Variants in ANK3 observed in about 807,000 individuals in gnomAD.
ANK3 encodes the protein ankyrin 3.
In ANK3, 57 loss-of-function variants were observed where a neutral mutation model predicts 370.9. The ratio of observed to expected loss-of-function variants is 0.15; its 90% CI spans 0.12 to 0.19. The LOEUF is 0.19. Ranked by LOEUF, ANK3 falls within the 10% of genes least tolerant of loss-of-function variation. The pLI is 1.00. For synonymous variants in ANK3, 1,929 were observed against 1,946.3 expected, an observed-to-expected ratio of 0.99 and a Z score of 0.23; for missense variants, 4,439 against 5,302.1, an observed-to-expected ratio of 0.84 and a Z score of 5.06.
intron 26 of ANK3, among the ~76,000 whole-genome samples, chr10:60,111,575 A>G (rs1370011720): frequency 1.3e-5 from 2 of 152,208 alleles, no homozygotes; most frequent in East Asian, 3.8e-4. Flanking sequence ...AAATTCTACA[A>G]ATGATCCTAA....
At chr10:60,196,269 C>A (rs1163734004) in intron 15 of ANK3, 26 bp from the exon 16 acceptor site, 1 of 1,599,298 alleles carries the variant, frequency 6.3e-7, no homozygotes, top group South Asian at 1.1e-5. Flanking sequence ...GAAACAACAA[C>A]CAGTGTCAAA....
chr10:60,421,656 A>G (rs1009677097), intron 2 of ANK3, among the ~76,000 whole-genome samples: 1 of 152,114 alleles, frequency 6.6e-6, no homozygotes, highest in East Asian at 1.9e-4. Context: ...TCCTCACCCT[A>G]AAAAGCAGGC....
intron 2 of ANK3, among the ~76,000 whole-genome samples, chr10:60,521,873 TAA>T (rs2076355413): frequency 6.6e-6 from 1 of 152,060 alleles, no homozygotes; most frequent in Admixed American, 6.6e-5. Context: ...CTGTAGCAGA[TAA>T]TGAAAGCTAC....
At chr10:60,230,553 G>C (rs541797368) in intron 8 of ANK3, among the ~76,000 whole-genome samples, 2 of 152,138 alleles carry the variant, frequency 1.3e-5, no homozygotes, top group Non-Finnish European at 2.9e-5. Context: ...TATGGAGCTG[G>C]GAAAATGGGA....
chr10:60,241,420 G>T (rs1232197135), intron 7 of ANK3, among the ~76,000 whole-genome samples: 1 of 151,994 alleles, frequency 6.6e-6, no homozygotes, highest in Non-Finnish European at 1.5e-5. Flanking sequence ...AAATGTTATA[G>T]AATACATTAG....
intron 1 of ANK3, among the ~76,000 whole-genome samples, chr10:60,327,175 C>T (rs551215769): frequency 2.6e-5 from 4 of 152,068 alleles, no homozygotes; most frequent in African/African-American, 9.7e-5. Flanking sequence ...CAATGGAGGG[C>T]GAGGTGACAG....
intron 25 of ANK3, among the ~76,000 whole-genome samples, chr10:60,133,055 C>T (rs911107298): frequency 1.2e-4 from 18 of 152,168 alleles, no homozygotes; most frequent in Non-Finnish European, 8.8e-5. Context: ...CTATGAAGTA[C>T]AACACACATA....
At chr10:60,085,610 C>CTTTTTTT (rs10601268) in intron 30 of ANK3, among the ~76,000 whole-genome samples, 4 of 109,936 alleles carry the variant, frequency 3.6e-5, no homozygotes, top group African/African-American at 7.2e-5. Flanking sequence ...GTCTCTTACT[C>CTTTTTTT]TTTTTTTTTT....
chr10:60,241,888 TGA>T (rs2132565217), intron 7 of ANK3, among the ~76,000 whole-genome samples: 1 of 152,284 alleles, frequency 6.6e-6, no homozygotes, highest in South Asian at 2.1e-4. Flanking sequence ...AAAGCATTAA[TGA>T]GACCTGGATA....
chr10:60,495,636 T>C (rs1459925017), intron 2 of ANK3, among the ~76,000 whole-genome samples: 1 of 152,194 alleles, frequency 6.6e-6, no homozygotes, highest in Non-Finnish European at 1.5e-5. Context: ...ACAGCCTTTA[T>C]GAAGCAGTAT....
At position 60,621,866 on chromosome 10, in the gene ANK3, G is replaced by T. The variant is rs113477386; in HGVS notation, c.58-6642C>A. Among the ~76,000 whole-genome samples, 158 of 152,128 alleles carry T rather than the reference G, an allele frequency of 1.0e-3. 1 individual carries two copies. Among genetic ancestry groups the T allele is most frequent in the Middle Eastern group, 6.8e-3 (2 of 294 alleles). On this transcript the variant is annotated intron_variant, in intron 1 of 43. Transcript: ENST00000373827. ...GCAACTCAAATCGTAAATTTTAACA[G>T]TCAGATAGGAGATGTTTGAACCCTG... is the stretch of plus-strand genomic sequence containing the variant.
intron 2 of ANK3, among the ~76,000 whole-genome samples, chr10:60,527,006 T>C (rs899761260): frequency 6.6e-6 from 1 of 152,146 alleles, no homozygotes; most frequent in Non-Finnish European, 1.5e-5. Context: ...TATACATACA[T>C]GTATACATCT....
At chr10:60,593,903 G>A (rs2077951441) in intron 2 of ANK3, among the ~76,000 whole-genome samples, 1 of 152,136 alleles carries the variant, frequency 6.6e-6, no homozygotes, top group East Asian at 1.9e-4. Flanking sequence ...TACAGTGAAA[G>A]CACATACTTA....
At chr10:60,675,522 C>T (rs2079113652) in intron 1 of ANK3, among the ~76,000 whole-genome samples, 1 of 152,218 alleles carries the variant, frequency 6.6e-6, no homozygotes, top group Admixed American at 6.5e-5. Context: ...CTGGCTTCCT[C>T]TCAATACCTA....
At chr10:60,365,673 G>A (rs547577882) in intron 1 of ANK3, among the ~76,000 whole-genome samples, 22 of 152,212 alleles carry the variant, frequency 1.4e-4, no homozygotes, top group African/African-American at 4.6e-4. Context: ...AACAATTTAC[G>A]TTGACCATTT....
chr10:60,541,204 T>C (rs1167739012), intron 2 of ANK3, among the ~76,000 whole-genome samples: 1 of 151,956 alleles, frequency 6.6e-6, no homozygotes, highest in African/African-American at 2.4e-5. Flanking sequence ...GTAATGAAAA[T>C]ATGCAGAGAA....
chr10:60,566,043 G>A (rs1037896777), intron 2 of ANK3, among the ~76,000 whole-genome samples: 2 of 152,058 alleles, frequency 1.3e-5, no homozygotes, highest in African/African-American at 4.8e-5. Context: ...TCACATTTTG[G>A]TAATTCTCAA....
chr10:60,351,624 A>G (rs977682988), intron 1 of ANK3, among the ~76,000 whole-genome samples: 1 of 152,234 alleles, frequency 6.6e-6, no homozygotes. Context: ...AAAGGTGTTA[A>G]GTTCTATTTT....
At chr10:60,670,812 T>C (rs1043365466) in intron 1 of ANK3, among the ~76,000 whole-genome samples, 1 of 152,210 alleles carries the variant, frequency 6.6e-6, no homozygotes, top group Non-Finnish European at 1.5e-5. Flanking sequence ...GCCAATTGAC[T>C]CCAAGTGGGA....
Sources: gnomAD v4.1 joint callset for allele counts (sites outside exome capture counted in the v4.1 genomes callset) on GRCh38, gnomAD v4.1.1 for gene constraint, MANE v1.5 for transcripts, NCBI Gene and HGNC (gene_info 2026-07-23, HGNC 2026-07-21) for gene names.